Variants in BICD1 observed in about 807,000 individuals in gnomAD.
The protein encoded by BICD1 is protein bicaudal D homolog 1.
Under a neutral mutation model 92.5 loss-of-function variants are expected in BICD1, and 35 were observed. That is an observed-to-expected ratio of 0.38 (90% CI 0.29 to 0.50). The LOEUF is 0.50. Among genes scored for constraint, BICD1 ranks in the 20% least tolerant of loss-of-function variants. BICD1 has a pLI of 0.93. For missense variants in BICD1, 950 were observed against 1,189.8 expected, an observed-to-expected ratio of 0.80 and a Z score of 2.97; for synonymous variants, 429 against 465.1, an observed-to-expected ratio of 0.92 and a Z score of 1.00.
At chr12:32,303,393 T>C (rs10844172) in intron 3 of BICD1, among the ~76,000 whole-genome samples, 26,719 of 152,154 alleles carry the variant, frequency 0.18, 3,060 homozygotes, top group African/African-American at 0.32. Context: ...CCACAGTGTT[T>C]CGGTGACCAG....
At chr12:32,185,431 A>G (rs1204972171) in intron 1 of BICD1, among the ~76,000 whole-genome samples, 1 of 152,246 alleles carries the variant, frequency 6.6e-6, no homozygotes. Context: ...CATGCTGTAC[A>G]TTCATTGCAG....
chr12:32,302,226 A>G (rs1948073190), intron 3 of BICD1, among the ~76,000 whole-genome samples: 1 of 152,216 alleles, frequency 6.6e-6, no homozygotes, highest in South Asian at 2.1e-4. Context: ...AGAAGTTTTC[A>G]AATGTTTGTG....
intron 2 of BICD1, among the ~76,000 whole-genome samples, chr12:32,265,252 G>A (rs1038008561): frequency 2.0e-5 from 3 of 152,056 alleles, no homozygotes; most frequent in African/African-American, 7.2e-5. Flanking sequence ...GCTGCTTCCT[G>A]TACTTCGTTC....
chr12:32,332,858 A>C, intron 5 of BICD1: 4 of 985,386 alleles, frequency 4.1e-6, no homozygotes, highest in Non-Finnish European at 4.8e-6. Flanking sequence ...GGCTGGAAAT[A>C]AGACTTTTTT....
chr12:32,297,169 C>T (rs1947897920), intron 3 of BICD1, among the ~76,000 whole-genome samples: 1 of 152,088 alleles, frequency 6.6e-6, no homozygotes, highest in Admixed American at 6.6e-5. Flanking sequence ...TAGATGCTAG[C>T]ATCTATCATA....
In BICD1 at chr12:32,175,528, G is replaced by A. The variant is rs144778640; in HGVS notation, c.214-40719G>A. Among the ~76,000 whole-genome samples, 308 of 152,192 alleles carry A rather than the reference G, an allele frequency of 2.0e-3. 1 individual carries two copies. Among genetic ancestry groups the A allele is most frequent in the African/African-American group, 7.0e-3 (292 of 41,522 alleles). ...GACGGGATTTCGCCATGTTGGCCAG[G>A]CTGCTGTCCAACTGCTGACCTCGGG... is the stretch of plus-strand genomic sequence containing the variant. On this transcript the variant is annotated intron_variant, in intron 1 of 9. Transcript: ENST00000652176.
intron 8 of BICD1, among the ~76,000 whole-genome samples, chr12:32,343,893 A>C (rs2136290793): frequency 6.6e-6 from 1 of 152,358 alleles, no homozygotes; most frequent in East Asian, 1.9e-4. Flanking sequence ...GTTTCACTGC[A>C]TTCAAGCAAG....
At chr12:32,338,197 A>C in intron 7 of BICD1, 1 of 197,160 alleles carries the variant, frequency 5.1e-6, no homozygotes, top group South Asian at 1.1e-4. Flanking sequence ...TTTAAAAGTC[A>C]TTGTACCTTT....
intron 2 of BICD1, among the ~76,000 whole-genome samples, chr12:32,265,937 C>T (rs1006604154): frequency 1.4e-4 from 21 of 152,270 alleles, no homozygotes; most frequent in South Asian, 4.1e-4. Context: ...ATCTGTCTCA[C>T]GGCTTGTTAG....
At chr12:32,329,384 A>G (rs930985816) in intron 5 of BICD1, among the ~76,000 whole-genome samples, 1 of 152,170 alleles carries the variant, frequency 6.6e-6, no homozygotes, top group African/African-American at 2.4e-5. Flanking sequence ...GGCATGAACC[A>G]CCGCGCCCAG....
intron 1 of BICD1, among the ~76,000 whole-genome samples, chr12:32,114,266 G>A (rs1051286459): frequency 8.5e-5 from 13 of 152,164 alleles, no homozygotes; most frequent in Non-Finnish European, 1.6e-4. Flanking sequence ...CCTTGCCCTC[G>A]TAAAGTGTGG....
chr12:32,122,939 T>G (rs948987842), intron 1 of BICD1, among the ~76,000 whole-genome samples: 3 of 152,216 alleles, frequency 2.0e-5, no homozygotes, highest in Non-Finnish European at 4.4e-5. Context: ...AATGGTTCAT[T>G]CATTCATTCC....
rs148581232 is a variant in BICD1, at chr12:32,219,630, C to T, written c.426+3171C>T. Among the ~76,000 whole-genome samples, 369 of 152,086 alleles carry T rather than the reference C, an allele frequency of 2.4e-3. 3 individuals carry two copies. Among genetic ancestry groups the T allele is most frequent in the Middle Eastern group, 0.01 (3 of 294 alleles). On this transcript the variant is annotated intron_variant, in intron 2 of 9. Coordinates refer to ENST00000652176, the MANE Select transcript of BICD1 (RefSeq NM_001714.4). ...GAGATAAATATCTCTGAATTTATCA[C>T]CTCAAAAATTCTTTCTCTTGTGATA...
Position 32,327,882 on chromosome 12 carries a change from G to A in BICD1, c.1427G>A (p.Ser476Asn), listed in dbSNP as rs370854157. ...VTSLEKTTKE[S>N]GEKMAHMEKE... ...AGCCTTGAGAAGACCACCAAGGAGA[G>A]TGGTGAGAAGATGGCCCACATGGAG... is the stretch of plus-strand genomic sequence containing the variant. Residue 476 changes from serine (S) to asparagine (N), a missense_variant, in exon 5 of 10, where the codon AGT (serine) becomes AAT (asparagine). Around this residue, in one of 5 missense-constraint regions of BICD1, gnomAD observed 309 missense variants for 499.4 expected, o/e 0.62. Coordinates refer to ENST00000652176, the MANE Select transcript of BICD1 (RefSeq NM_001714.4). 20 of 1,614,064 alleles carry A rather than the reference G, an allele frequency of 1.2e-5. No homozygotes were observed. The highest frequency in any genetic ancestry group is 1.5e-5 in the Non-Finnish European group (18 of 1,180,044).
rs143968411 is a variant in BICD1, at chr12:32,154,999, G to A, written c.213+47455G>A. 3.4e-4 allele frequency among the ~76,000 whole-genome samples: 51 copies of A among 150,542 alleles called. No individual in the cohort carries two copies. The East Asian group carries it at 9.3e-3, about 27-fold the overall frequency. On this transcript the variant is annotated intron_variant, in intron 1 of 9. Coordinates refer to ENST00000652176, the MANE Select transcript of BICD1 (RefSeq NM_001714.4). ...AGACAGAAAAATAAGCATCTGTGAA[G>A]TCAACCTTTTTGCTTTTTTTACTCT...
At chr12:32,119,036 C>G (rs1942049878) in intron 1 of BICD1, among the ~76,000 whole-genome samples, 1 of 152,140 alleles carries the variant, frequency 6.6e-6, no homozygotes, top group Non-Finnish European at 1.5e-5. Context: ...CGTGATCAGG[C>G]AGTCTTCCCC....
chr12:32,333,125 A>G (rs10844187), intron 5 of BICD1: 187,323 of 983,254 alleles, frequency 0.19, 18,945 homozygotes, highest in African/African-American at 0.35. Context: ...ATGGGATTCT[A>G]TGTGCTTACA....
In BICD1 at chr12:32,106,911, C is replaced by G. The variant is rs1299645928; in HGVS notation, c.-421C>G. On this transcript the variant is annotated 5_prime_UTR_variant, in exon 1 of 10. Transcript: ENST00000652176. ...GTGGAGCGAGAGAGCGAGCCGCGAG[C>G]CGGAGCGCGCCAGACCCAGGGCGAG... The G allele has an allele frequency of 6.1e-6, 1 of 163,096 alleles. No homozygotes were observed. Among genetic ancestry groups the G allele is most frequent in the Non-Finnish European group, 1.2e-5 (1 of 80,806 alleles). 10.1% of individuals were successfully genotyped at this position (163,096 alleles called of 1,614,324 possible).
chr12:32,285,442 T>C (rs1249856132), intron 2 of BICD1, among the ~76,000 whole-genome samples: 2 of 152,174 alleles, frequency 1.3e-5, no homozygotes, highest in Admixed American at 6.5e-5. Context: ...GTATAATTAA[T>C]TTATAAAAGA....
Sources: allele counts gnomAD v4.1 joint callset (sites outside exome capture counted in the v4.1 genomes callset), GRCh38; gene constraint gnomAD v4.1.1; regional missense constraint gnomAD v4.1.1; transcripts MANE v1.5; gene names NCBI Gene and HGNC (gene_info 2026-07-23, HGNC 2026-07-21).